Variants in SYK observed in about 807,000 individuals in gnomAD.
SYK encodes tyrosine-protein kinase SYK.
In SYK, 16 loss-of-function variants were observed where a neutral mutation model predicts 77.8. The observed-to-expected ratio is 0.21, with a 90% CI of 0.14 to 0.31. SYK has a LOEUF of 0.31. Ranked by LOEUF, SYK falls within the 10% of genes least tolerant of loss-of-function variation. SYK has a pLI of 1.00. For missense variants in SYK, 529 were observed against 814.4 expected (o/e 0.65, Z 4.26); for synonymous variants, 312 against 308.7 (o/e 1.01, Z -0.11).
intron 1 of SYK, among the ~76,000 whole-genome samples, chr9:90,840,422 G>A (rs537737309): frequency 6.6e-6 from 1 of 152,052 alleles, no homozygotes; most frequent in South Asian, 2.1e-4. Flanking sequence ...AGCAGGCTGG[G>A]GGCAGTGGCT....
chr9:90,829,697 G>A (rs1012557153), intron 1 of SYK, among the ~76,000 whole-genome samples: 1 of 152,194 alleles, frequency 6.6e-6, no homozygotes, highest in African/African-American at 2.4e-5. Flanking sequence ...TGACTTGCAC[G>A]TGATAGATGC....
chr9:90,853,869 A>C (rs540261051), intron 3 of SYK, among the ~76,000 whole-genome samples: 11 of 152,170 alleles, frequency 7.2e-5, no homozygotes, highest in African/African-American at 2.6e-4. Flanking sequence ...CTTAAAGTAT[A>C]ATAATAATAA....
At chr9:90,810,739 T>C (rs1363350947) in intron 1 of SYK, among the ~76,000 whole-genome samples, 1 of 152,154 alleles carries the variant, frequency 6.6e-6, no homozygotes, top group Non-Finnish European at 1.5e-5. Flanking sequence ...ACTTTAGATG[T>C]GCAAAAACTT....
chr9:90,803,987 A>T (rs1040497292), intron 1 of SYK, among the ~76,000 whole-genome samples: 9 of 151,746 alleles, frequency 5.9e-5, no homozygotes, highest in African/African-American at 2.2e-4. Flanking sequence ...AGCAGGTGTT[A>T]TCACTACGAG....
At chr9:90,823,173 C>T (rs1191219318) in intron 1 of SYK, among the ~76,000 whole-genome samples, 4 of 152,274 alleles carry the variant, frequency 2.6e-5, no homozygotes, top group East Asian at 1.9e-4. Context: ...GAAATTGTTA[C>T]AGAATGGTAA....
In SYK at chr9:90,896,240, T is replaced by C. The variant is rs942307586; in HGVS notation, c.*640T>C. 4 of 232,968 alleles carry C rather than the reference T, an allele frequency of 1.7e-5. No homozygotes were observed. The highest frequency in any genetic ancestry group is 8.8e-5 in the African/African-American group (4 of 45,266). The allele number at this position is 232,968 out of a possible 1,614,324, so 14.4% of individuals were successfully genotyped here. ...AGGCCTGGATACTGCTTTTGCTGTCTCTGTTATGAGATGGAAGACTTACAT... is the reference window on the plus strand; with the variant it reads ...AGGCCTGGATACTGCTTTTGCTGTCCCTGTTATGAGATGGAAGACTTACAT... On this transcript the variant is annotated 3_prime_UTR_variant, in exon 14 of 14. Coordinates refer to ENST00000375754, the MANE Select transcript of SYK (RefSeq NM_003177.7).
Position 90,874,781 on chromosome 9 carries a change from G to C in SYK, c.1113G>C (p.Thr371=). ...KEVYLDRKLL[T]LEDKELGSGN... is the part of the protein sequence containing the mutation. The stretch of plus-strand genomic sequence containing the variant: ...TTTACCTGGACCGAAAGCTGCTGAC[G>C]CTGGAAGACAAAGAACTGGGCTCTG... The change falls in exon 9 of 14, where the codon ACG becomes ACC. Residue 371 remains threonine (T), a synonymous_variant. Coordinates refer to ENST00000375754, the MANE Select transcript of SYK (RefSeq NM_003177.7). 1 of 1,614,092 alleles carries C rather than the reference G, an allele frequency of 6.2e-7. No individual in the cohort carries two copies. The highest frequency in any genetic ancestry group is 8.5e-7 in the Non-Finnish European group (1 of 1,180,022).
At chr9:90,868,114 A>C (rs1435648469) in intron 7 of SYK, among the ~76,000 whole-genome samples, 2 of 152,218 alleles carry the variant, frequency 1.3e-5, no homozygotes, top group East Asian at 3.8e-4. Flanking sequence ...ATTTAGTAAT[A>C]ATTTTCCAAG....
chr9:90,891,615 AT>A (rs1324803326), intron 13 of SYK, among the ~76,000 whole-genome samples: 1 of 152,122 alleles, frequency 6.6e-6, no homozygotes, highest in African/African-American at 2.4e-5. Context: ...GCTGCTTTTT[AT>A]TGCAAGGAAA....
chr9:90,844,529 C>T (rs567269671), intron 2 of SYK, among the ~76,000 whole-genome samples: 2 of 152,346 alleles, frequency 1.3e-5, no homozygotes, highest in South Asian at 4.1e-4. Flanking sequence ...CCCTTTGTGC[C>T]AGCAGTGTGG....
intron 1 of SYK, among the ~76,000 whole-genome samples, chr9:90,815,117 T>C (rs1825243003): frequency 6.6e-6 from 1 of 151,886 alleles, no homozygotes; most frequent in Non-Finnish European, 1.5e-5. Context: ...TCCAACATAG[T>C]TTCCTTGAAA....
At position 90,884,582 on chromosome 9, in the gene SYK, C is replaced by T. The variant is rs1299619870; in HGVS notation, c.1582-3167C>T. ...ATATGTGTACATGTACATACATACA[C>T]ATACACATATGTGTACATGTACATA... On this transcript the variant is annotated intron_variant, in intron 11 of 13. Transcript: ENST00000375754. Among the ~76,000 whole-genome samples the T allele has an allele frequency of 1.1e-4, 10 of 90,280 alleles. 5 individuals carry two copies. Among genetic ancestry groups the T allele is most frequent in the African/African-American group, 1.9e-4 (4 of 21,584 alleles). The allele number at this position is 90,280 out of a possible 152,430, so 59.2% of individuals were successfully genotyped here.
intron 1 of SYK, among the ~76,000 whole-genome samples, chr9:90,821,327 A>G (rs1477508255): frequency 6.6e-6 from 1 of 152,164 alleles, no homozygotes; most frequent in African/African-American, 2.4e-5. Flanking sequence ...TTATTTTCAC[A>G]TTGCTGATAA....
intron 1 of SYK, among the ~76,000 whole-genome samples, chr9:90,841,270 G>A (rs979764046): frequency 2.7e-5 from 4 of 150,928 alleles, no homozygotes; most frequent in African/African-American, 9.9e-5. Context: ...GTGTGTGTGG[G>A]TGTGTACTGT....
At chr9:90,818,579 A>C (rs566138522) in intron 1 of SYK, among the ~76,000 whole-genome samples, 2 of 152,246 alleles carry the variant, frequency 1.3e-5, no homozygotes, top group South Asian at 4.1e-4. Context: ...GGCTCTGCTC[A>C]TGCATAATCT....
chr9:90,870,385 C>T (rs1827684083), intron 7 of SYK, among the ~76,000 whole-genome samples: 1 of 152,082 alleles, frequency 6.6e-6, no homozygotes, highest in African/African-American at 2.4e-5. Flanking sequence ...GAAATGTGTC[C>T]CAGAATTTCC....
At chr9:90,807,230 G>A (rs1824873456) in intron 1 of SYK, among the ~76,000 whole-genome samples, 1 of 152,128 alleles carries the variant, frequency 6.6e-6, no homozygotes, top group Non-Finnish European at 1.5e-5. Context: ...AGCCTCTTTG[G>A]GAAACCATGC....
At chr9:90,831,234 T>C (rs963405117) in intron 1 of SYK, among the ~76,000 whole-genome samples, 1 of 152,116 alleles carries the variant, frequency 6.6e-6, no homozygotes, top group African/African-American at 2.4e-5. Context: ...AAATGTGAAC[T>C]ACAGGAAGTT....
intron 7 of SYK, among the ~76,000 whole-genome samples, chr9:90,873,339 C>T (rs1029702986): frequency 1.0e-4 from 15 of 147,980 alleles, no homozygotes; most frequent in African/African-American, 2.8e-4. Context: ...ACTCAACTCA[C>T]GCTGAAAAAA....
Sources: allele counts gnomAD v4.1 joint callset (sites outside exome capture counted in the v4.1 genomes callset), GRCh38; gene constraint gnomAD v4.1.1; transcripts MANE v1.5; gene names NCBI Gene and HGNC (gene_info 2026-07-23, HGNC 2026-07-21).